ATP2A1: variants seen among roughly 807,000 people sequenced by gnomAD.
The protein encoded by ATP2A1 is ATPase sarcoplasmic/endoplasmic reticulum Ca2+ transporting 1.
A neutral mutation model predicts 109.5 loss-of-function variants in ATP2A1; 83 were observed. The ratio of observed to expected loss-of-function variants is 0.76; its 90% CI spans 0.63 to 0.91. The LOEUF (loss-of-function observed/expected upper bound fraction) is 0.91, where lower values mean the gene tolerates loss of function less well. Ranked by LOEUF, ATP2A1 falls within the 40% of genes least tolerant of loss-of-function variation. ATP2A1 has a pLI of 0.00. For synonymous variants in ATP2A1, 505 were observed against 537.6 expected, an observed-to-expected ratio of 0.94 and a Z score of 0.84; for missense variants, 1,101 against 1,341.0, an observed-to-expected ratio of 0.82 and a Z score of 2.80.
chr16:28,887,718 C>T lies in ATP2A1; in HGVS notation c.924C>T (p.Pro308=), dbSNP rs765009731. 2.4e-5 allele frequency: 38 copies of T among 1,613,786 alleles called. No homozygotes were observed. Among genetic ancestry groups the T allele is most frequent in the Non-Finnish European group, 2.1e-5 (25 of 1,180,034 alleles). The change falls in exon 8 of 23, where the codon CCC becomes CCT. Residue 308 remains proline, a synonymous_variant. Transcript: ENST00000395503. Reference sequence around the variant, plus strand: ...TGGCCTTGGCTGTGGCTGCCATCCCCGAAGGTATGAAAGCCTTTCTTTTCT... The same window carrying T: ...TGGCCTTGGCTGTGGCTGCCATCCCTGAAGGTATGAAAGCCTTTCTTTTCT... ...IAVALAVAAI[P]EGLPAVITTC... is the part of the protein sequence containing the mutation.
chr16:28,894,396 A>C, intron 10 of ATP2A1, 109 bp from the exon 11 acceptor site: 3 of 1,310,730 alleles, frequency 2.3e-6, no homozygotes, highest in Non-Finnish European at 3.2e-6. Flanking sequence ...GGCTCTCCCC[A>C]CTGTCCTTCC....
At position 28,879,492 on chromosome 16, in the gene ATP2A1, C is replaced by T. The variant is rs766669977; in HGVS notation, c.137-9C>T. The T allele has an allele frequency of 1.2e-6, 2 of 1,613,738 alleles. No homozygotes were observed. The highest frequency in any genetic ancestry group is 1.3e-5 in the African/African-American group (1 of 74,908). On this transcript the variant is annotated splice_polypyrimidine_tract_variant and intron_variant, in intron 2 of 22. Transcript: ENST00000395503. The stretch of plus-strand genomic sequence containing the variant: ...TAACCCGGGGCCCTCCCCTTGCCTC[C>T]TCCCCCAGGGAAGACCCTGTGGGAG...
At chr16:28,892,307 C>A in intron 9 of ATP2A1, 1 of 301,350 alleles carries the variant, frequency 3.3e-6, no homozygotes, top group South Asian at 2.6e-5. Context: ...TTCTTGGGCT[C>A]CTTGCAGGGT....
intron 1 of ATP2A1, 63 bp from the exon 2 acceptor site, chr16:28,879,036 G>C: frequency 6.2e-7 from 1 of 1,607,318 alleles, no homozygotes; most frequent in East Asian, 2.2e-5. Flanking sequence ...CAAAGTCTTG[G>C]GTGTGGGGGG....
At chr16:28,891,033 T>C (rs1238530361) in intron 9 of ATP2A1, among the ~76,000 whole-genome samples, 1 of 151,928 alleles carries the variant, frequency 6.6e-6, no homozygotes, top group East Asian at 2.0e-4. Context: ...CGGTGGCTCA[T>C]GCCTGTAATC....
intron 6 of ATP2A1, among the ~76,000 whole-genome samples, chr16:28,885,556 CT>C (rs1304174681): frequency 6.6e-6 from 1 of 151,922 alleles, no homozygotes; most frequent in African/African-American, 2.4e-5. Context: ...CTTGGCCAGG[CT>C]GGTCTTGAAC....
intron 8 of ATP2A1, among the ~76,000 whole-genome samples, chr16:28,887,945 T>C (rs1011549659): frequency 1.3e-5 from 2 of 152,182 alleles, no homozygotes; most frequent in Admixed American, 6.5e-5. Flanking sequence ...GGACTACAGG[T>C]GCACGCCGCC....
At chr16:28,890,985 C>A (rs1310256157) in intron 9 of ATP2A1, among the ~76,000 whole-genome samples, 1 of 151,928 alleles carries the variant, frequency 6.6e-6, no homozygotes, top group Admixed American at 6.5e-5. Context: ...CTGCGCCCGG[C>A]CAGGATTCTG....
rs879878717 is a variant in ATP2A1, at chr16:28,883,860, T to C, written c.464-715T>C. Among the ~76,000 whole-genome samples the C allele has an allele frequency of 2.6e-5, 4 of 152,080 alleles. No individual in the cohort carries two copies. Among genetic ancestry groups the C allele is most frequent in the Non-Finnish European group, 5.9e-5 (4 of 68,012 alleles). ...CACTCTCCCTGGCTCCCCGCCTCCC[T>C]GCCTCCCTGAGATGCTCAGACCGGG... On this transcript the variant is annotated intron_variant, in intron 5 of 22. Transcript: ENST00000395503. This position sits in a 1 kb window ranked among gnomAD's most constrained non-coding sequence, Gnocchi z 5.2.
chr16:28,880,302 G>A lies in ATP2A1; in HGVS notation c.220-613G>A, dbSNP rs941192319. On this transcript the variant is annotated intron_variant, in intron 3 of 22. Coordinates refer to ENST00000395503, the MANE Select transcript of ATP2A1 (RefSeq NM_004320.6). The surrounding 1 kb of genome is among the most constrained non-coding windows in gnomAD (Gnocchi z 4.2). ...CCTCGCTGGGGACTCTGGAGGCAACGAAAGCCTCCCTGTGCCTTGGTCTCC... is the reference window on the plus strand; with the variant it reads ...CCTCGCTGGGGACTCTGGAGGCAACAAAAGCCTCCCTGTGCCTTGGTCTCC... 6.6e-6 allele frequency among the ~76,000 whole-genome samples: 1 copy of A among 152,220 alleles called. No individual in the cohort carries two copies. The highest frequency in any genetic ancestry group is 6.5e-5 in the Admixed American group (1 of 15,290).
chr16:28,896,825 C>T (rs1011411117), intron 12 of ATP2A1, among the ~76,000 whole-genome samples: 12 of 150,726 alleles, frequency 8.0e-5, no homozygotes, highest in Admixed American at 7.3e-4. Flanking sequence ...TCCCGAGTAG[C>T]TAGAATTACA....
At chr16:28,884,481 T>G in intron 5 of ATP2A1, 94 bp from the exon 6 acceptor site, 1 of 1,228,736 alleles carries the variant, frequency 8.1e-7, no homozygotes. Context: ...GAAGGATGGA[T>G]GAGGAGAACG....
rs1216659242 is a variant in ATP2A1 at position 28,904,295 on chromosome 16, G to A, written c.*153G>A. 29 of 1,609,738 alleles carry A rather than the reference G, an allele frequency of 1.8e-5. No homozygotes were observed. Among genetic ancestry groups the A allele is most frequent in the South Asian group, 1.8e-4 (16 of 90,854 alleles). On this transcript the variant is annotated 3_prime_UTR_variant, in exon 23 of 23. Transcript: ENST00000395503. ...GACCCCCGTCCTGTCCCCCACACCC[G>A]TGTCATGTGTCTGTTTATAAACATG... is the stretch of plus-strand genomic sequence containing the variant.
At chr16:28,894,285 TTCCCACA>T in intron 10 of ATP2A1, 42 bp downstream of exon 10, 1 of 1,574,774 alleles carries the variant, frequency 6.4e-7, no homozygotes, top group South Asian at 1.1e-5. Flanking sequence ...CTCACGCCCC[TTCCCACA>T]CCCCCTTTCT....
At chr16:28,896,279 T>A (rs1381940025) in intron 12 of ATP2A1, among the ~76,000 whole-genome samples, 1 of 152,132 alleles carries the variant, frequency 6.6e-6, no homozygotes, top group Middle Eastern at 3.2e-3. Flanking sequence ...CATTCTGGAG[T>A]ACAGTGGCAT....
chr16:28,882,454 C>A lies in ATP2A1; in HGVS notation c.328C>A (p.Arg110=). Residue 110 remains arginine (R), a synonymous_variant, in exon 5 of 23, where the codon CGG becomes AGG. Coordinates refer to ENST00000395503, the MANE Select transcript of ATP2A1 (RefSeq NM_004320.6). ...ANAIVGVWQE[R]NAENAIEALK... ...CTCCTCCACCCTGTCTCCTCAGGAG[C>A]GGAACGCAGAGAACGCCATCGAGGC... 1 of 1,614,150 alleles carries A rather than the reference C, an allele frequency of 6.2e-7. No homozygotes were observed. Among genetic ancestry groups the A allele is most frequent in the Non-Finnish European group, 8.5e-7 (1 of 1,180,028 alleles).
At chr16:28,882,343 C>T in intron 4 of ATP2A1, 108 bp from the exon 5 acceptor site, 1 of 1,524,456 alleles carries the variant, frequency 6.6e-7, no homozygotes, top group Non-Finnish European at 9.0e-7. Flanking sequence ...TCAACATACA[C>T]ACACCCCTGC....
Position 28,902,570 on chromosome 16 carries a change from TCCA to T in ATP2A1, c.2525-5_2525-3del, listed in dbSNP as rs2152214857. 2 of 1,613,718 alleles carry T rather than the reference TCCA, an allele frequency of 1.2e-6. No homozygotes were observed. The highest frequency in any genetic ancestry group is 1.7e-6 in the Non-Finnish European group (2 of 1,179,812). On this transcript the variant is annotated splice_region_variant and splice_polypyrimidine_tract_variant and intron_variant, in intron 17 of 22. Transcript: ENST00000395503. This position sits in a 1 kb window ranked among gnomAD's most constrained non-coding sequence, Gnocchi z 4.8. Reference sequence around the variant, plus strand: ...AGCCCTGACCCCCGACTCCCCTCTCTCCACCACAGGCTATGTGGGTGCAGCCAC... The same window carrying T: ...AGCCCTGACCCCCGACTCCCCTCTCTCCACAGGCTATGTGGGTGCAGCCAC...
In ATP2A1 at chr16:28,903,532, G is replaced by C. The variant is rs1377562094; in HGVS notation, c.2980+92G>C. Reference sequence around the variant, plus strand: ...CGCCCCGCCCCGTACTTTGCAGGTGGTAAGTTTCTCAGCCCTGGCAGGACC... The same window carrying C: ...CGCCCCGCCCCGTACTTTGCAGGTGCTAAGTTTCTCAGCCCTGGCAGGACC... On this transcript the variant is annotated intron_variant, in intron 21 of 22. Coordinates refer to ENST00000395503, the MANE Select transcript of ATP2A1 (RefSeq NM_004320.6). This position sits in a 1 kb window ranked among gnomAD's most constrained non-coding sequence, Gnocchi z 5.6. 1.5e-6 allele frequency: 2 copies of C among 1,336,982 alleles called. No individual in the cohort carries two copies. Among genetic ancestry groups the C allele is most frequent in the Admixed American group, 3.4e-5 (2 of 59,532 alleles). 82.8% of individuals were successfully genotyped at this position (1,336,982 alleles called of 1,614,324 possible).
Sources: allele counts gnomAD v4.1 joint callset (sites outside exome capture counted in the v4.1 genomes callset), GRCh38; gene constraint gnomAD v4.1.1; non-coding constraint Gnocchi (gnomAD v3.1); transcripts MANE v1.5; gene names NCBI Gene and HGNC (gene_info 2026-07-23, HGNC 2026-07-21).